PBX1: variants seen among roughly 807,000 people sequenced by gnomAD.
The protein encoded by PBX1 is PBX homeobox 1.
A neutral mutation model predicts 53.4 loss-of-function variants in PBX1; 6 were observed. That is an observed-to-expected ratio of 0.11 (90% CI 0.06 to 0.22). PBX1 has a LOEUF of 0.22. PBX1 is among the 10% of genes least tolerant of loss of function. The pLI is 1.00. For synonymous variants in PBX1, 204 were observed against 212.3 expected (o/e 0.96, Z 0.34); for missense variants, 251 against 551.4 (o/e 0.46, Z 5.46).
At chr1:164,565,445 A>G (rs1653367273) in intron 2 of PBX1, among the ~76,000 whole-genome samples, 1 of 151,956 alleles carries the variant, frequency 6.6e-6, no homozygotes, top group African/African-American at 2.4e-5. Flanking sequence ...ACACACACAC[A>G]CACACACAAG....
chr1:164,760,216 C>T (rs1038610713), intron 2 of PBX1, among the ~76,000 whole-genome samples: 40 of 152,176 alleles, frequency 2.6e-4, no homozygotes, highest in Non-Finnish European at 5.4e-4. Context: ...TTCAGCAGCC[C>T]TGATTAACCG....
chr1:164,615,295 A>G (rs532992349), intron 2 of PBX1, among the ~76,000 whole-genome samples: 3 of 152,238 alleles, frequency 2.0e-5, no homozygotes, highest in South Asian at 2.1e-4. Context: ...GTTTATTTCC[A>G]TTTCTACTTG....
chr1:164,618,939 A>T (rs1403798926), intron 2 of PBX1, among the ~76,000 whole-genome samples: 6 of 152,328 alleles, frequency 3.9e-5, no homozygotes, highest in African/African-American at 1.4e-4. Flanking sequence ...CTTTTAACAT[A>T]AGGCACTTAC....
At chr1:164,724,202 G>A (rs920111244) in intron 2 of PBX1, among the ~76,000 whole-genome samples, 3 of 152,168 alleles carry the variant, frequency 2.0e-5, no homozygotes, top group Admixed American at 1.3e-4. Flanking sequence ...CATCAGAACC[G>A]TTGCTTCTGC....
intron 2 of PBX1, among the ~76,000 whole-genome samples, chr1:164,681,096 T>C (rs1374341001): frequency 1.4e-4 from 3 of 21,212 alleles, no homozygotes; most frequent in Non-Finnish European, 2.8e-4. Flanking sequence ...ATTTAAAAAT[T>C]AACCTGTCAT....
intron 2 of PBX1, among the ~76,000 whole-genome samples, chr1:164,647,907 C>T (rs1033492548): frequency 4.6e-5 from 7 of 151,850 alleles, no homozygotes; most frequent in African/African-American, 1.2e-4. Flanking sequence ...CTCCGCCTCC[C>T]GGGTTCATGC....
At chr1:164,776,978 A>AGAGAGAGGGGGTGTG (rs1553244687) in intron 2 of PBX1, among the ~76,000 whole-genome samples, 1 of 46,444 alleles carries the variant, frequency 2.2e-5, no homozygotes, top group Non-Finnish European at 3.5e-5. Flanking sequence ...AGAGAGAGAG[A>AGAGAGAGGGGGTGTG]GGAGGTGTGG....
chr1:164,792,814 A>C, intron 3 of PBX1, 76 bp downstream of exon 3: 1 of 1,119,808 alleles, frequency 8.9e-7, no homozygotes, highest in Non-Finnish European at 1.3e-6. Flanking sequence ...CGGGGCTTGC[A>C]GAGAGGAGCG....
intron 2 of PBX1, among the ~76,000 whole-genome samples, chr1:164,755,175 A>G (rs1666442579): frequency 6.6e-6 from 1 of 152,078 alleles, no homozygotes; most frequent in Admixed American, 6.6e-5. Flanking sequence ...ATCCTGCTAC[A>G]CTTGTGGGTA....
At chr1:164,659,754 C>T (rs911921416) in intron 2 of PBX1, among the ~76,000 whole-genome samples, 2 of 152,142 alleles carry the variant, frequency 1.3e-5, no homozygotes, top group African/African-American at 4.8e-5. Context: ...TTTGAGGGAG[C>T]TAAGCAGAGA....
intron 2 of PBX1, among the ~76,000 whole-genome samples, chr1:164,632,578 G>A (rs1217184251): frequency 6.6e-6 from 1 of 152,166 alleles, no homozygotes; most frequent in Non-Finnish European, 1.5e-5. Context: ...TGTACTCTTA[G>A]TGTAGAACAT....
intron 2 of PBX1, among the ~76,000 whole-genome samples, chr1:164,751,901 A>G (rs1235590373): frequency 6.6e-6 from 1 of 152,120 alleles, no homozygotes; most frequent in East Asian, 1.9e-4. Context: ...CTTTTAAATG[A>G]ATTAATATTA....
At chr1:164,733,414 A>G (rs1410968135) in intron 2 of PBX1, among the ~76,000 whole-genome samples, 5 of 152,110 alleles carry the variant, frequency 3.3e-5, no homozygotes, top group Non-Finnish European at 5.9e-5. Context: ...ATAGGGCCTT[A>G]TTTCCTGTGT....
chr1:164,838,913 TG>T (rs1671167703), intron 8 of PBX1, among the ~76,000 whole-genome samples: 1 of 152,222 alleles, frequency 6.6e-6, no homozygotes, highest in Non-Finnish European at 1.5e-5. Flanking sequence ...AGCCTAGTCC[TG>T]TAATGGCTTG....
intron 2 of PBX1, among the ~76,000 whole-genome samples, chr1:164,860,184 G>A (rs1672065725): frequency 6.6e-6 from 1 of 152,140 alleles, no homozygotes; most frequent in Non-Finnish European, 1.5e-5. Flanking sequence ...ACCTTCTCAA[G>A]TCTGGATTAT....
chr1:164,701,383 A>G (rs1218550430), intron 2 of PBX1, among the ~76,000 whole-genome samples: 1 of 152,248 alleles, frequency 6.6e-6, no homozygotes, highest in Admixed American at 6.5e-5. Flanking sequence ...AGTTTCAGAA[A>G]AGAAAGTGTG....
At chr1:164,698,300 TA>T (rs112569858) in intron 2 of PBX1, among the ~76,000 whole-genome samples, 2 of 152,206 alleles carry the variant, frequency 1.3e-5, no homozygotes, top group African/African-American at 4.8e-5. Flanking sequence ...CAAAGTTGAG[TA>T]ATAATAATGG....
intron 7 of PBX1, among the ~76,000 whole-genome samples, chr1:164,821,230 T>C (rs752180058): frequency 6.6e-6 from 1 of 152,118 alleles, no homozygotes; most frequent in Non-Finnish European, 1.5e-5. Flanking sequence ...CCTTCATGCT[T>C]TCCCCTCCAG....
intron 2 of PBX1, among the ~76,000 whole-genome samples, chr1:164,880,549 C>T (rs1672621706): frequency 6.6e-6 from 1 of 152,214 alleles, no homozygotes; most frequent in Admixed American, 6.5e-5. Flanking sequence ...TTTCCCAGCA[C>T]TCCCATCCTG....
Sources: gnomAD v4.1 joint callset for allele counts (sites outside exome capture counted in the v4.1 genomes callset) on GRCh38, gnomAD v4.1.1 for gene constraint, MANE v1.5 for transcripts, NCBI Gene and HGNC (gene_info 2026-07-23, HGNC 2026-07-21) for gene names.